The following MYOM2 variants were observed in gnomAD, a reference collection of about 807,000 sequenced individuals.
MYOM2 encodes the protein myomesin 2.
A neutral mutation model predicts 187.6 loss-of-function variants in MYOM2; 254 were observed. The ratio of observed to expected loss-of-function variants is 1.35; its 90% CI spans 1.22 to 1.50. The LOEUF is 1.50. Ranked by LOEUF, MYOM2 falls within the 40% of genes most tolerant of loss-of-function variation. MYOM2 has a pLI of 0.00. For synonymous variants in MYOM2, 981 were observed against 753.8 expected, an observed-to-expected ratio of 1.30 and a Z score of -4.94; for missense variants, 2,796 against 1,924.0, an observed-to-expected ratio of 1.45 and a Z score of -8.48.
chr8:2,086,595 C>G (rs1251984675), intron 14 of MYOM2, among the ~76,000 whole-genome samples: 1 of 151,566 alleles, frequency 6.6e-6, no homozygotes, highest in African/African-American at 2.4e-5. Flanking sequence ...TGCACCGTTG[C>G]TGGGGAAAAT....
intron 21 of MYOM2, among the ~76,000 whole-genome samples, chr8:2,105,439 A>G (rs186815512): frequency 3.3e-5 from 5 of 152,260 alleles, no homozygotes; most frequent in Admixed American, 6.5e-5. Flanking sequence ...GTCAAAAAGT[A>G]GCAAATAAAC....
At chr8:2,111,350 A>T (rs538488750) in intron 25 of MYOM2, among the ~76,000 whole-genome samples, 3 of 152,372 alleles carry the variant, frequency 2.0e-5, no homozygotes, top group African/African-American at 7.2e-5. Flanking sequence ...CATTAGCAAG[A>T]AGCCTAATTA....
intron 27 of MYOM2, among the ~76,000 whole-genome samples, chr8:2,116,744 A>T (rs1044331389): frequency 1.3e-5 from 2 of 152,076 alleles, no homozygotes; most frequent in African/African-American, 4.8e-5. Context: ...ACATACCCCA[A>T]GGGTTTATTC....
chr8:2,131,415 G>T (rs1400815308), intron 32 of MYOM2, among the ~76,000 whole-genome samples: 1 of 151,884 alleles, frequency 6.6e-6, no homozygotes, highest in Non-Finnish European at 1.5e-5. Context: ...GTGCTCTCCC[G>T]AGAAGCTCCA....
At chr8:2,120,286 C>A (rs1186325457) in intron 28 of MYOM2, among the ~76,000 whole-genome samples, 2 of 151,962 alleles carry the variant, frequency 1.3e-5, no homozygotes, top group East Asian at 3.9e-4. Context: ...AACCAGCTGT[C>A]TAAGTTGAGC....
intron 31 of MYOM2, among the ~76,000 whole-genome samples, chr8:2,125,243 T>C (rs1437991604): frequency 3.3e-5 from 5 of 152,360 alleles, no homozygotes; most frequent in Admixed American, 3.3e-4. Context: ...AAGTCTTTTA[T>C]CCAATTTGAG....
chr8:2,075,237 C>T lies in MYOM2; in HGVS notation c.1121-904C>T, dbSNP rs766195841. ...GCCAAGTTTCACTGCTGTTGTTAGG[C>T]GGGCGTTAAATGTCCCTTCCGTCTT... On this transcript the variant is annotated intron_variant, in intron 10 of 36. Coordinates refer to ENST00000262113, the MANE Select transcript of MYOM2 (RefSeq NM_003970.4). Among the ~76,000 whole-genome samples, 15 of 152,268 alleles carry T rather than the reference C, an allele frequency of 9.9e-5. No homozygotes were observed. The East Asian group carries it at 1.4e-3, about 14-fold the overall frequency.
Position 2,123,368 on chromosome 8 carries a change from A to G in MYOM2, c.3567+3A>G, listed in dbSNP as rs777969587. ...TCTGTGAGCTCCTCATCCCAAAGGT[A>G]TCAGGCATTGAGTAACACAAGAAAG... On this transcript the variant is annotated splice_donor_region_variant and intron_variant, in intron 29 of 36. Transcript: ENST00000262113. 3.2e-5 allele frequency: 51 copies of G among 1,583,714 alleles called. No individual in the cohort carries two copies. Among genetic ancestry groups the G allele is most frequent in the South Asian group, 1.6e-4 (14 of 89,444 alleles).
intron 25 of MYOM2, 28 bp downstream of exon 25, chr8:2,109,559 C>G: frequency 6.3e-7 from 1 of 1,584,642 alleles, no homozygotes; most frequent in Non-Finnish European, 8.6e-7. Context: ...TGATCTCTGG[C>G]TTTGCAGGGA....
rs1470007532 is a variant in MYOM2 at position 2,085,294 on chromosome 8, T to A, written c.1548T>A (p.Gly516=). The change falls in exon 14 of 37, where the codon GGT becomes GGA. Residue 516 remains glycine (G), a synonymous_variant. Transcript: ENST00000262113. The part of the protein sequence containing the change: ...GDAQVPGPPT[G]VHASEISRNY... The stretch of plus-strand genomic sequence containing the variant: ...CCCAGGTTCCAGGGCCTCCCACCGG[T>A]GTGCACGCTTCCGAGATCAGCAGAA... The A allele has an allele frequency of 9.9e-6, 16 of 1,614,156 alleles. No homozygotes were observed. In the South Asian group the frequency reaches 1.5e-4, roughly 16 times the overall value.
chr8:2,084,469 C>G (rs1164168806), intron 13 of MYOM2, among the ~76,000 whole-genome samples: 1 of 152,136 alleles, frequency 6.6e-6, no homozygotes, highest in African/African-American at 2.4e-5. Flanking sequence ...TAATCATGTG[C>G]TAATCTAATT....
chr8:2,079,169 C>G (rs1440292), intron 12 of MYOM2, among the ~76,000 whole-genome samples: 25,329 of 151,790 alleles, frequency 0.17, 2,307 homozygotes, highest in East Asian at 0.33. Context: ...AAGCTCTTTG[C>G]TGGCATCCAG....
At chr8:2,050,917 G>A (rs1431075593) in intron 2 of MYOM2, 44 bp downstream of exon 2, 1 of 1,461,702 alleles carries the variant, frequency 6.8e-7, no homozygotes, top group Non-Finnish European at 9.6e-7. Context: ...CTTTGATTAT[G>A]GGGGTCTGAC....
At chr8:2,085,441 A>G (rs1251891885) in intron 14 of MYOM2, 51 bp downstream of exon 14, 14 of 1,594,668 alleles carry the variant, frequency 8.8e-6, no homozygotes, top group Admixed American at 8.6e-5. Flanking sequence ...ATGGCCCCCC[A>G]CTGTCATGAT....
chr8:2,085,473 C>G lies in MYOM2; in HGVS notation c.1644+83C>G, dbSNP rs376406650. 1.2e-4 allele frequency: 171 copies of G among 1,478,712 alleles called. 29 individuals carry two copies. In the African/African-American group the frequency reaches 2.3e-3, roughly 20 times the overall value. 91.6% of individuals were successfully genotyped at this position (1,478,712 alleles called of 1,614,324 possible). A position where few individuals can be genotyped will look rare whatever the true frequency, so the allele number is the denominator to read the frequency against. On this transcript the variant is annotated intron_variant, in intron 14 of 36. Transcript: ENST00000262113. ...TGATCTCTGCGTGGCCCACCGCTGTCGTGATCTCCGCGTGGCCCCTCACTG... is the reference window on the plus strand; with the variant it reads ...TGATCTCTGCGTGGCCCACCGCTGTGGTGATCTCCGCGTGGCCCCTCACTG...
At chr8:2,123,185 A>G (rs1797515774) in intron 28 of MYOM2, 67 bp from the exon 29 acceptor site, 1 of 1,086,664 alleles carries the variant, frequency 9.2e-7, no homozygotes. Flanking sequence ...TTAAGATTCT[A>G]ATAGACTTTC....
At position 2,090,205 on chromosome 8, in the gene MYOM2, C is replaced by G. The variant is rs1258135589; in HGVS notation, c.1828+14C>G. 5 of 1,607,110 alleles carry G rather than the reference C, an allele frequency of 3.1e-6. No homozygotes were observed. The African/African-American group carries it at 4.0e-5, about 13-fold the overall frequency. On this transcript the variant is annotated intron_variant, in intron 15 of 36. Transcript: ENST00000262113. ...AGGATGTGACCGGTGAGCTGTCACA[C>G]TGGGTGGCCCCAAGTCAGGATGGAC...
At chr8:2,125,604 CTTTTTTTTTTT>C (rs35137852) in intron 31 of MYOM2, among the ~76,000 whole-genome samples, 4,095 of 89,486 alleles carry the variant, frequency 0.046, 243 homozygotes, top group African/African-American at 0.16. Context: ...ATTATTTTTC[CTTTTTTTTTTT>C]TTTTTTTTTT....
chr8:2,106,119 G>C lies in MYOM2; in HGVS notation c.2735-123G>C. Reference sequence around the variant, plus strand: ...ATCACCTCACTCCCTCTACACTTGGGGATTACAATTTGAGATGAGATTTGG... The same window carrying C: ...ATCACCTCACTCCCTCTACACTTGGCGATTACAATTTGAGATGAGATTTGG... On this transcript the variant is annotated intron_variant, in intron 21 of 36. Coordinates refer to ENST00000262113, the MANE Select transcript of MYOM2 (RefSeq NM_003970.4). 3.1e-6 allele frequency: 3 copies of C among 972,228 alleles called. No individual in the cohort carries two copies. The South Asian group carries it at 4.8e-5, about 16-fold the overall frequency. 60.2% of individuals were successfully genotyped at this position (972,228 alleles called of 1,614,324 possible). A position where few individuals can be genotyped will look rare whatever the true frequency, so the allele number is the denominator to read the frequency against.
Sources: allele counts gnomAD v4.1 joint callset (sites outside exome capture counted in the v4.1 genomes callset), GRCh38; gene constraint gnomAD v4.1.1; transcripts MANE v1.5; gene names NCBI Gene and HGNC (gene_info 2026-07-23, HGNC 2026-07-21).